The following DLGAP2 variants were observed in gnomAD, a reference collection of about 807,000 sequenced individuals.
DLGAP2 encodes DLG associated protein 2.
Under a neutral mutation model 100.3 loss-of-function variants are expected in DLGAP2, and 26 were observed. The observed-to-expected ratio is 0.26, with a 90% CI of 0.19 to 0.36. DLGAP2 has a LOEUF of 0.36. Ranked by LOEUF, DLGAP2 falls within the 10% of genes least tolerant of loss-of-function variation. The pLI, the probability that DLGAP2 is intolerant of heterozygous loss-of-function variation, is 1.00. For missense variants in DLGAP2, 1,858 were observed against 1,453.2 expected (o/e 1.28, Z -4.53); for synonymous variants, 886 against 630.1 (o/e 1.41, Z -6.08).
At chr8:963,296 G>C (rs1333982944) in intron 2 of DLGAP2, among the ~76,000 whole-genome samples, 2 of 148,988 alleles carry the variant, frequency 1.3e-5, no homozygotes, top group Non-Finnish European at 2.9e-5. Context: ...CCCTACGTAA[G>C]GCAAGTCAGC....
intron 6 of DLGAP2, among the ~76,000 whole-genome samples, chr8:1,603,376 GGCTGGGTCTC>G (rs2130709139): frequency 6.7e-6 from 1 of 149,758 alleles, no homozygotes; most frequent in East Asian, 2.0e-4. Flanking sequence ...TTAGAATGGA[GGCTGGGTCTC>G]AGTTCTGTAG....
intron 2 of DLGAP2, among the ~76,000 whole-genome samples, chr8:1,084,789 C>G (rs1166106109): frequency 6.6e-6 from 1 of 152,170 alleles, no homozygotes; most frequent in Non-Finnish European, 1.5e-5. Flanking sequence ...TTGATGGACA[C>G]AGGTTGATTC....
chr8:1,463,812 G>A (rs1254829663), intron 3 of DLGAP2, among the ~76,000 whole-genome samples: 1 of 152,218 alleles, frequency 6.6e-6, no homozygotes, highest in Non-Finnish European at 1.5e-5. Context: ...AGGGCTTCAG[G>A]AGCTGTGGAG....
intron 2 of DLGAP2, among the ~76,000 whole-genome samples, chr8:1,036,612 C>A (rs1309765738): frequency 1.3e-5 from 2 of 152,088 alleles, no homozygotes; most frequent in Non-Finnish European, 2.9e-5. Flanking sequence ...TAAGGGGAGG[C>A]CTGGCAGGCT....
At chr8:1,222,451 G>C (rs1485088621) in intron 2 of DLGAP2, among the ~76,000 whole-genome samples, 1 of 152,154 alleles carries the variant, frequency 6.6e-6, no homozygotes, top group African/African-American at 2.4e-5. Context: ...AGTACCTGCT[G>C]TGCTGGAGGG....
intron 3 of DLGAP2, among the ~76,000 whole-genome samples, chr8:1,455,104 G>T (rs1798270960): frequency 6.6e-6 from 1 of 152,236 alleles, no homozygotes; most frequent in Non-Finnish European, 1.5e-5. Flanking sequence ...GTGAGGGGTG[G>T]TTTGAGCAAT....
At chr8:1,360,931 G>A (rs1196857201) in intron 3 of DLGAP2, among the ~76,000 whole-genome samples, 3 of 152,028 alleles carry the variant, frequency 2.0e-5, no homozygotes, top group Non-Finnish European at 2.9e-5. Flanking sequence ...CATCGCTCAC[G>A]TGTTTCAGAA....
Position 1,273,594 on chromosome 8 carries a change from A to G in DLGAP2, c.106+14711A>G, listed in dbSNP as rs557433105. Among the ~76,000 whole-genome samples, 16 of 152,336 alleles carry G rather than the reference A, an allele frequency of 1.1e-4. No individual in the cohort carries two copies. The South Asian group carries it at 1.9e-3, about 18-fold the overall frequency. ...GTGCCGTGACGGCTTTATCATGTGCAGAGGCAGCTCCATCCTTCCCAGTAG... is the reference window on the plus strand; with the variant it reads ...GTGCCGTGACGGCTTTATCATGTGCGGAGGCAGCTCCATCCTTCCCAGTAG... On this transcript the variant is annotated intron_variant, in intron 3 of 14. Transcript: ENST00000637795.
At chr8:1,215,978 G>T (rs896275595) in intron 2 of DLGAP2, among the ~76,000 whole-genome samples, 4 of 151,598 alleles carry the variant, frequency 2.6e-5, no homozygotes, top group Non-Finnish European at 5.9e-5. Context: ...CAGGTACCTC[G>T]ATGGGTTCAT....
At chr8:1,366,031 G>A (rs1328296163) in intron 3 of DLGAP2, among the ~76,000 whole-genome samples, 1 of 152,206 alleles carries the variant, frequency 6.6e-6, no homozygotes. Flanking sequence ...TGCCACAGAG[G>A]TGCCATCCCA....
intron 8 of DLGAP2, among the ~76,000 whole-genome samples, chr8:1,658,196 T>C (rs1446453848): frequency 6.6e-6 from 1 of 152,108 alleles, no homozygotes; most frequent in Non-Finnish European, 1.5e-5. Flanking sequence ...GATACCTGTA[T>C]ACCTGGCTTT....
At position 1,448,245 on chromosome 8, in the gene DLGAP2, C is replaced by T. The variant is rs981459226; in HGVS notation, c.107-53121C>T. 3.3e-5 allele frequency among the ~76,000 whole-genome samples: 5 copies of T among 152,058 alleles called. No individual in the cohort carries two copies. In the East Asian group the frequency reaches 5.8e-4, roughly 18 times the overall value. On this transcript the variant is annotated intron_variant, in intron 3 of 14. Transcript: ENST00000637795. ...ATTTAGTGCGGTAAATTTCCCTCTA[C>T]ACACTGCTTTGAATGTGTCCCAGAG...
chr8:1,287,779 GTCTGTGTGTA>G (rs1352932055), intron 3 of DLGAP2, among the ~76,000 whole-genome samples: 8 of 63,066 alleles, frequency 1.3e-4, no homozygotes, highest in South Asian at 6.4e-4. Flanking sequence ...GTGTGTGTGT[GTCTGTGTGTA>G]TGTGTGTGTG....
At chr8:1,163,123 C>G (rs1455715303) in intron 2 of DLGAP2, among the ~76,000 whole-genome samples, 1 of 152,108 alleles carries the variant, frequency 6.6e-6, no homozygotes, top group African/African-American at 2.4e-5. Flanking sequence ...TGTGTCTTGT[C>G]CCCTCCTCCT....
intron 6 of DLGAP2, among the ~76,000 whole-genome samples, chr8:1,609,351 G>A (rs1796922136): frequency 7.4e-6 from 1 of 135,488 alleles, no homozygotes; most frequent in Non-Finnish European, 1.6e-5. Flanking sequence ...GAGAGATTTT[G>A]TCACCACCAG....
At chr8:1,635,265 A>G (rs1356732522) in intron 8 of DLGAP2, among the ~76,000 whole-genome samples, 1 of 152,234 alleles carries the variant, frequency 6.6e-6, no homozygotes, top group Non-Finnish European at 1.5e-5. Flanking sequence ...GAAAACTCCC[A>G]GTCTGGGAAA....
chr8:1,261,657 T>C (rs1412655028), intron 3 of DLGAP2, among the ~76,000 whole-genome samples: 2 of 152,212 alleles, frequency 1.3e-5, no homozygotes, highest in Non-Finnish European at 2.9e-5. Flanking sequence ...GTGTTTCAGA[T>C]GTACGAGTGC....
At chr8:833,657 T>A (rs1012120846) in intron 1 of DLGAP2, among the ~76,000 whole-genome samples, 1 of 152,188 alleles carries the variant, frequency 6.6e-6, no homozygotes, top group Non-Finnish European at 1.5e-5. Flanking sequence ...GCAAAGTCCC[T>A]CTGCCACGTG....
chr8:1,547,175 G>C (rs1195497852), intron 4 of DLGAP2, among the ~76,000 whole-genome samples: 2 of 152,210 alleles, frequency 1.3e-5, no homozygotes, highest in Non-Finnish European at 2.9e-5. Flanking sequence ...CCGTGGGGCA[G>C]AGGGAGGCTC....
Sources: allele counts gnomAD v4.1 joint callset (sites outside exome capture counted in the v4.1 genomes callset), GRCh38; gene constraint gnomAD v4.1.1; transcripts MANE v1.5; gene names NCBI Gene and HGNC (gene_info 2026-07-23, HGNC 2026-07-21).